PSMD4: variants seen among roughly 807,000 people sequenced by gnomAD.
PSMD4 encodes the protein proteasome 26S subunit ubiquitin receptor, non-ATPase 4.
Under a neutral mutation model 39.7 loss-of-function variants are expected in PSMD4, and 5 were observed. The observed-to-expected ratio is 0.13, with a 90% CI of 0.07 to 0.26. The LOEUF is 0.26. Among genes scored for constraint, PSMD4 ranks in the 10% least tolerant of loss-of-function variants. The pLI is 1.00. For missense variants in PSMD4, 272 were observed against 486.1 expected, an observed-to-expected ratio of 0.56 and a Z score of 4.14; for synonymous variants, 143 against 174.6, an observed-to-expected ratio of 0.82 and a Z score of 1.43.
intron 1 of PSMD4, among the ~76,000 whole-genome samples, chr1:151,256,125 C>T (rs1693160906): frequency 6.6e-6 from 1 of 151,552 alleles, no homozygotes; most frequent in African/African-American, 2.4e-5. Context: ...GGGTGTATCA[C>T]CTGAGGTCAG....
chr1:151,265,111 T>C, intron 4 of PSMD4, 55 bp from the exon 5 acceptor site: 1 of 1,421,894 alleles, frequency 7.0e-7, no homozygotes, highest in Non-Finnish European at 9.5e-7. Flanking sequence ...CGGCGGGTCC[T>C]TTCCCCCCCT....
chr1:151,258,025 ATTTG>A (rs1481846866), intron 1 of PSMD4, among the ~76,000 whole-genome samples: 5 of 150,442 alleles, frequency 3.3e-5, no homozygotes, highest in African/African-American at 9.8e-5. Flanking sequence ...TTGTTTGTCT[ATTTG>A]TTTGTTTTTT....
chr1:151,261,669 C>A (rs949587842), intron 1 of PSMD4, among the ~76,000 whole-genome samples: 4 of 152,024 alleles, frequency 2.6e-5, no homozygotes, highest in African/African-American at 9.7e-5. Flanking sequence ...AAAATTTTTT[C>A]GGCTGGGCAC....
chr1:151,256,353 AAAATAAT>A (rs1558319268), intron 1 of PSMD4, among the ~76,000 whole-genome samples: 1 of 116,426 alleles, frequency 8.6e-6, no homozygotes. Flanking sequence ...CAAAAAAAAA[AAAATAAT>A]AATAAAATAA....
At chr1:151,257,715 C>CTTTTTTTTTTTTTTTT (rs71090149) in intron 1 of PSMD4, among the ~76,000 whole-genome samples, 5 of 88,720 alleles carry the variant, frequency 5.6e-5, no homozygotes, top group Admixed American at 1.6e-4. Context: ...ACCTGGCTTT[C>CTTTTTTTTTTTTTTTT]TTTTTTTTTT....
intron 2 of PSMD4, chr1:151,262,585 T>G (rs1424250684): frequency 1.4e-5 from 5 of 367,510 alleles, no homozygotes; most frequent in Non-Finnish European, 2.6e-5. Context: ...CAGTGAAAAG[T>G]GATTTTGGGC....
intron 1 of PSMD4, among the ~76,000 whole-genome samples, chr1:151,257,907 A>G (rs780705117): frequency 6.6e-6 from 1 of 151,760 alleles, no homozygotes; most frequent in Non-Finnish European, 1.5e-5. Flanking sequence ...ATTCATGAGC[A>G]TGAGATGTTT....
intron 1 of PSMD4, among the ~76,000 whole-genome samples, chr1:151,257,715 C>CT (rs71090149): frequency 0.15 from 13,048 of 88,868 alleles, 1,229 homozygotes; most frequent in African/African-American, 0.31. Context: ...ACCTGGCTTT[C>CT]TTTTTTTTTT....
chr1:151,265,119 C>A (rs753091565), intron 4 of PSMD4, 47 bp from the exon 5 acceptor site: 5 of 1,534,860 alleles, frequency 3.3e-6, no homozygotes, highest in South Asian at 1.2e-5. Context: ...CCTTTCCCCC[C>A]CTCGAGTATG....
chr1:151,259,827 C>T (rs888204264), intron 1 of PSMD4, among the ~76,000 whole-genome samples: 1 of 152,118 alleles, frequency 6.6e-6, no homozygotes, highest in East Asian at 1.9e-4. Context: ...GCGATTCTCC[C>T]TTCTCGGCCT....
intron 1 of PSMD4, among the ~76,000 whole-genome samples, chr1:151,261,604 T>C (rs1418481601): frequency 6.6e-6 from 1 of 152,154 alleles, no homozygotes; most frequent in Non-Finnish European, 1.5e-5. Context: ...ATTGCTGTGG[T>C]TCATCAGTAG....
intron 6 of PSMD4, 99 bp from the exon 7 acceptor site, chr1:151,265,905 C>G (rs1317453048): frequency 1.4e-6 from 2 of 1,419,214 alleles, no homozygotes; most frequent in African/African-American, 2.9e-5. Flanking sequence ...AAACCAGAAG[C>G]TGCCCCTTTA....
At chr1:151,266,761 G>A in intron 9 of PSMD4, 174 bp downstream of exon 9, 2 of 873,782 alleles carry the variant, frequency 2.3e-6, no homozygotes, top group Non-Finnish European at 3.7e-6. Context: ...AATGGTCAGA[G>A]TTGGAGAAAT....
intron 1 of PSMD4, among the ~76,000 whole-genome samples, chr1:151,257,045 G>A (rs79086778): frequency 2.0e-5 from 3 of 152,196 alleles, no homozygotes; most frequent in African/African-American, 7.2e-5. Context: ...CACTGTGCCC[G>A]GCCGGTCTTC....
At chr1:151,256,161 T>A (rs1693161317) in intron 1 of PSMD4, among the ~76,000 whole-genome samples, 1 of 151,486 alleles carries the variant, frequency 6.6e-6, no homozygotes, top group African/African-American at 2.4e-5. Flanking sequence ...CTGGCCAACA[T>A]GGTGAAACCC....
At chr1:151,260,085 G>A (rs1027994765) in intron 1 of PSMD4, among the ~76,000 whole-genome samples, 1 of 151,978 alleles carries the variant, frequency 6.6e-6, no homozygotes, top group Admixed American at 6.6e-5. Context: ...TGTTATCCCA[G>A]CTACTTAGGA....
chr1:151,265,516 G>A lies in PSMD4; in HGVS notation c.561G>A (p.Pro187=), dbSNP rs1203894755. The stretch of plus-strand genomic sequence containing the variant: ...TGGCTGATGCTCTCATCAGTTCTCC[G>A]ATTTTGGCTGGTGAAGGTGGTGCCA... ...PSLADALISS[P]ILAGEGGAML... is the part of the protein sequence containing the mutation. Residue 187 remains proline, a synonymous_variant, in exon 6 of 10, where the codon CCG becomes CCA. Transcript: ENST00000368884. The A allele has an allele frequency of 2.5e-6, 4 of 1,614,166 alleles. No individual in the cohort carries two copies. The highest frequency in any genetic ancestry group is 3.4e-6 in the Non-Finnish European group (4 of 1,180,026).
At chr1:151,261,770 A>G (rs1285030214) in intron 1 of PSMD4, among the ~76,000 whole-genome samples, 1 of 152,002 alleles carries the variant, frequency 6.6e-6, no homozygotes, top group Non-Finnish European at 1.5e-5. Context: ...CTTGGGCAAC[A>G]TAGCTAGATC....
rs1359498269 is a variant in PSMD4, at chr1:151,260,938, C to T, written c.27-1223C>T. Among the ~76,000 whole-genome samples the T allele has an allele frequency of 9.2e-5, 14 of 151,572 alleles. No individual in the cohort carries two copies. The East Asian group carries it at 1.5e-3, about 17-fold the overall frequency. On this transcript the variant is annotated intron_variant, in intron 1 of 9. Transcript: ENST00000368884. The stretch of plus-strand genomic sequence containing the variant: ...TTGACTCACTGCAACCTCGGCCTCC[C>T]GGGTTCAAGCAATTCTCCTGCCTCA...
Sources: allele counts gnomAD v4.1 joint callset (sites outside exome capture counted in the v4.1 genomes callset), GRCh38; gene constraint gnomAD v4.1.1; transcripts MANE v1.5; gene names NCBI Gene and HGNC (gene_info 2026-07-23, HGNC 2026-07-21).